The following GSE1 variants were observed in gnomAD, a reference collection of about 807,000 sequenced individuals.
The protein encoded by GSE1 is Gse1 coiled-coil protein.
In GSE1, 32 loss-of-function variants were observed where a neutral mutation model predicts 112.6. That is an observed-to-expected ratio of 0.28 (90% CI 0.21 to 0.38). The LOEUF is 0.38. Among genes scored for constraint, GSE1 ranks in the 10% least tolerant of loss-of-function variants. GSE1 has a pLI of 1.00. For missense variants in GSE1, 2,348 were observed against 1,699.2 expected, an observed-to-expected ratio of 1.38 and a Z score of -6.71; for synonymous variants, 1,115 against 735.6, an observed-to-expected ratio of 1.52 and a Z score of -8.35.
intron 2 of GSE1, among the ~76,000 whole-genome samples, chr16:85,386,106 C>G (rs1208681229): frequency 6.6e-6 from 1 of 152,188 alleles, no homozygotes; most frequent in African/African-American, 2.4e-5. Context: ...GTTGAGGGGT[C>G]ACTGGCTCAG....
At chr16:85,542,949 C>T (rs188272550) in intron 2 of GSE1, among the ~76,000 whole-genome samples, 217 of 152,280 alleles carry the variant, frequency 1.4e-3, no homozygotes, top group Non-Finnish European at 2.6e-3. Context: ...TCCTTGTAGC[C>T]GGGCGTGGTG....
At chr16:85,258,955 C>T (rs73251986) in intron 1 of GSE1, among the ~76,000 whole-genome samples, 20,634 of 152,208 alleles carry the variant, frequency 0.14, 1,963 homozygotes, top group African/African-American at 0.27. Flanking sequence ...CACTGCTCCC[C>T]CTTCTTCTCT....
chr16:85,390,759 C>A (rs1412683721), intron 2 of GSE1, among the ~76,000 whole-genome samples: 2 of 144,180 alleles, frequency 1.4e-5, no homozygotes, highest in African/African-American at 5.1e-5. Context: ...CCAGCCCGAA[C>A]CCCGTGCTGG....
chr16:85,322,791 T>C (rs1316528808), intron 1 of GSE1, among the ~76,000 whole-genome samples: 1 of 152,096 alleles, frequency 6.6e-6, no homozygotes, highest in African/African-American at 2.4e-5. Flanking sequence ...AATTTTTGTA[T>C]TTTTAGTAGA....
At chr16:85,372,199 A>G (rs2047315606) in intron 2 of GSE1, among the ~76,000 whole-genome samples, 1 of 152,178 alleles carries the variant, frequency 6.6e-6, no homozygotes, top group South Asian at 2.1e-4. Flanking sequence ...GATTTCATTA[A>G]GAAGGAACCC....
chr16:85,194,735 C>G (rs12444866), intron 1 of GSE1, among the ~76,000 whole-genome samples: 2 of 151,942 alleles, frequency 1.3e-5, no homozygotes, highest in Non-Finnish European at 2.9e-5. Context: ...TGTTGGACTT[C>G]TGTTCTGTGC....
intron 2 of GSE1, among the ~76,000 whole-genome samples, chr16:85,429,135 C>T (rs2049060210): frequency 6.6e-6 from 1 of 152,236 alleles, no homozygotes; most frequent in African/African-American, 2.4e-5. Context: ...ATCACAAGCA[C>T]ATGCAACATA....
chr16:85,458,428 A>G (rs1017264864), intron 2 of GSE1, among the ~76,000 whole-genome samples: 2 of 152,234 alleles, frequency 1.3e-5, no homozygotes, highest in Non-Finnish European at 2.9e-5. Context: ...ACCCCAGGGC[A>G]GCCAGAGCTG....
intron 2 of GSE1, among the ~76,000 whole-genome samples, chr16:85,364,361 C>G (rs1018066983): frequency 6.6e-6 from 1 of 152,230 alleles, no homozygotes; most frequent in African/African-American, 2.4e-5. Flanking sequence ...CATCTCCCAT[C>G]TCAAGGTCAG....
At chr16:85,213,151 C>T (rs1196166584) in intron 1 of GSE1, among the ~76,000 whole-genome samples, 2 of 151,934 alleles carry the variant, frequency 1.3e-5, no homozygotes, top group Non-Finnish European at 2.9e-5. Flanking sequence ...TGCCTGTAGT[C>T]CCAGCTATTT....
At chr16:85,377,308 C>T (rs377315185) in intron 2 of GSE1, among the ~76,000 whole-genome samples, 296 of 152,298 alleles carry the variant, frequency 1.9e-3, no homozygotes, top group African/African-American at 6.9e-3. Flanking sequence ...GCTGCACAGC[C>T]CCCAGTGGTT....
At chr16:85,271,240 T>G (rs35953909) in intron 1 of GSE1, among the ~76,000 whole-genome samples, 10,542 of 152,040 alleles carry the variant, frequency 0.069, 559 homozygotes, top group East Asian at 0.26. Flanking sequence ...CCAAGCAGGA[T>G]CGAGTTCCAG....
At chr16:85,656,218 C>A in intron 6 of GSE1, 125 bp from the exon 7 acceptor site, 1 of 1,212,278 alleles carries the variant, frequency 8.2e-7, no homozygotes, top group Non-Finnish European at 1.2e-6. Context: ...AAACCCGGCT[C>A]ACCTCCCGTC....
intron 1 of GSE1, among the ~76,000 whole-genome samples, chr16:85,266,936 G>A (rs757230295): frequency 7.2e-5 from 11 of 152,308 alleles, no homozygotes; most frequent in Admixed American, 2.6e-4. Flanking sequence ...GACATCTGGT[G>A]CCTGCTCAGC....
At chr16:85,635,963 C>G (rs1000334653) in intron 2 of GSE1, among the ~76,000 whole-genome samples, 1 of 152,254 alleles carries the variant, frequency 6.6e-6, no homozygotes, top group Non-Finnish European at 1.5e-5. Context: ...GTCGCTTCCT[C>G]TCCGCTGCCC....
At chr16:85,586,206 G>C (rs1434439491) in intron 1 of GSE1, among the ~76,000 whole-genome samples, 3 of 152,236 alleles carry the variant, frequency 2.0e-5, no homozygotes, top group Non-Finnish European at 4.4e-5. Context: ...ACCCCAGTGT[G>C]ACCTCATCTG....
In GSE1 at chr16:85,209,343, C is replaced by G. The variant is rs369939905; in HGVS notation, c.2283+37536C>G. On this transcript the variant is annotated intron_variant, in intron 1 of 2. Coordinates refer to the GSE1 transcript ENST00000637419. ...CAGGGCAACATCCTCCGTCCTTGTT[C>G]GTGACCTCGATGTGCACCTCCTGGC... Among the ~76,000 whole-genome samples, 7 of 152,294 alleles carry G rather than the reference C, an allele frequency of 4.6e-5. No individual in the cohort carries two copies. In the South Asian group the frequency reaches 1.2e-3, roughly 27 times the overall value.
At chr16:85,173,422 C>T (rs4072655) in intron 1 of GSE1, among the ~76,000 whole-genome samples, 26,065 of 152,122 alleles carry the variant, frequency 0.17, 2,764 homozygotes, top group East Asian at 0.47. Context: ...GGTGAGAGTT[C>T]AATGGATTGG....
chr16:85,515,105 C>T (rs2051884096), intron 2 of GSE1, among the ~76,000 whole-genome samples: 1 of 152,226 alleles, frequency 6.6e-6, no homozygotes, highest in Non-Finnish European at 1.5e-5. Context: ...GGTGCTCCGC[C>T]TCCGGGGAGC....
Sources: gnomAD v4.1 joint callset for allele counts (sites outside exome capture counted in the v4.1 genomes callset) on GRCh38, gnomAD v4.1.1 for gene constraint, MANE v1.5 for transcripts, NCBI Gene and HGNC (gene_info 2026-07-23, HGNC 2026-07-21) for gene names.